The following ZNF737 variants were observed in gnomAD, a reference collection of about 807,000 sequenced individuals.
ZNF737 encodes the protein zinc finger protein 737.
Under a neutral mutation model 11.7 loss-of-function variants are expected in ZNF737, and 13 were observed. That is an observed-to-expected ratio of 1.11 (90% CI 0.73 to 1.77). The LOEUF (loss-of-function observed/expected upper bound fraction) is 1.77, where lower values mean the gene tolerates loss of function less well. Among genes scored for constraint, ZNF737 ranks in the 40% most tolerant of loss-of-function variants. ZNF737 has a pLI of 0.00. For synonymous variants in ZNF737, 217 were observed against 216.2 expected (o/e 1.00, Z -0.03); for missense variants, 636 against 638.0 (o/e 1.00, Z 0.03).
At chr19:20,548,983 A>AAAAAAAAAAAAG (rs1568429990) in intron 3 of ZNF737, among the ~76,000 whole-genome samples, 1 of 137,644 alleles carries the variant, frequency 7.3e-6, no homozygotes, top group African/African-American at 2.7e-5. Context: ...AAAAAAAACA[A>AAAAAAAAAAAAG]TTATGTATCT....
At chr19:20,535,187 A>G (rs1967927725), downstream of ZNF737, among the ~76,000 whole-genome samples, 1 of 152,126 alleles carries the variant, frequency 6.6e-6, no homozygotes. Context: ...CTTAGGCATG[A>G]GAATCACTTG....
At chr19:20,563,366 T>G (rs1468763741) in intron 1 of ZNF737, among the ~76,000 whole-genome samples, 3 of 150,798 alleles carry the variant, frequency 2.0e-5, no homozygotes. Flanking sequence ...TAGCTTGGAG[T>G]CACTAGGTTC....
chr19:20,554,690 A>G (rs7255352), intron 1 of ZNF737, among the ~76,000 whole-genome samples: 40,257 of 152,004 alleles, frequency 0.26, 5,926 homozygotes, highest in East Asian at 0.44. Context: ...TTCAATCATA[A>G]AGAACCATCA....
intron 3 of ZNF737, among the ~76,000 whole-genome samples, chr19:20,547,208 C>A (rs1457355030): frequency 6.6e-6 from 1 of 151,674 alleles, no homozygotes; most frequent in African/African-American, 2.4e-5. Flanking sequence ...AGTGAAACCC[C>A]ATCTCTACTA....
In ZNF737 at chr19:20,542,059, A is replaced by G; in HGVS notation, c.*2533T>C. 8 of 985,224 alleles carry G rather than the reference A, an allele frequency of 8.1e-6. No individual in the cohort carries two copies. The highest frequency in any genetic ancestry group is 9.6e-6 in the Non-Finnish European group (8 of 829,768). The allele number at this position is 985,224 out of a possible 1,614,324, so 61.0% of individuals were successfully genotyped here. A position where few individuals can be genotyped will look rare whatever the true frequency, so the allele number is the denominator to read the frequency against. ...TTGCAGTTTAAAGCCACTGACAGTGATTACTAAAGATGTTATTTTACAATG... is the reference window on the plus strand; with the variant it reads ...TTGCAGTTTAAAGCCACTGACAGTGGTTACTAAAGATGTTATTTTACAATG... On this transcript the variant is annotated 3_prime_UTR_variant, in exon 4 of 4. Coordinates refer to ENST00000427401, the MANE Select transcript of ZNF737 (RefSeq NM_001159293.2).
intron 1 of ZNF737, among the ~76,000 whole-genome samples, chr19:20,559,692 C>T (rs1969012808): frequency 6.6e-6 from 1 of 152,150 alleles, no homozygotes; most frequent in East Asian, 1.9e-4. Flanking sequence ...GGCGGTTCCT[C>T]ACAGAACTAA....
chr19:20,533,968 AGCTAACTG>A (rs1967891387), downstream of ZNF737, among the ~76,000 whole-genome samples: 1 of 150,086 alleles, frequency 6.7e-6, no homozygotes, highest in Admixed American at 6.6e-5. Flanking sequence ...TCATCAGTTG[AGCTAACTG>A]GCTGATTGGT....
At chr19:20,558,372 T>G (rs1430704481) in intron 1 of ZNF737, among the ~76,000 whole-genome samples, 2 of 152,092 alleles carry the variant, frequency 1.3e-5, no homozygotes, top group African/African-American at 4.8e-5. Flanking sequence ...ATAAAGAAAG[T>G]GGCCTAAATA....
At position 20,553,772 on chromosome 19, in the gene ZNF737, T is replaced by C. The variant is rs1968784023; in HGVS notation, c.67A>G (p.Thr23Ala). 4 of 1,613,924 alleles carry C rather than the reference T, an allele frequency of 2.5e-6. No individual in the cohort carries two copies. Among genetic ancestry groups the C allele is most frequent in the Non-Finnish European group, 3.4e-6 (4 of 1,179,976 alleles). Residue 23 changes from threonine to alanine, a missense_variant, in exon 2 of 4, where the codon ACT becomes GCT. Transcript: ENST00000427401. ...TTCCTATATAAATTCCGCTGTGCAG[T>C]GTCCAGGCAATGCCACTCCTCCAGA... ...FSLEEWHCLD[T>A]AQRNLYRNVM...
intron 1 of ZNF737, among the ~76,000 whole-genome samples, chr19:20,557,830 T>G (rs1968946241): frequency 6.6e-6 from 1 of 152,108 alleles, no homozygotes; most frequent in Admixed American, 6.5e-5. Flanking sequence ...TTAGCCAGGC[T>G]GGTCCCAAAC....
In ZNF737 at chr19:20,541,280, A is replaced by T; in HGVS notation, c.*3312T>A. 1.0e-6 allele frequency: 1 copy of T among 984,862 alleles called. No individual in the cohort carries two copies. The highest frequency in any genetic ancestry group is 1.2e-6 in the Non-Finnish European group (1 of 829,410). The allele number at this position is 984,862 out of a possible 1,614,324, so 61.0% of individuals were successfully genotyped here. On this transcript the variant is annotated 3_prime_UTR_variant, in exon 4 of 4. Transcript: ENST00000427401. ...ATACTCACACAAAAACACTCAATTCATAATTTTCTTACACCTCAGGTTTAT... is the reference window on the plus strand; with the variant it reads ...ATACTCACACAAAAACACTCAATTCTTAATTTTCTTACACCTCAGGTTTAT...
the ZNF737 span, among the ~76,000 whole-genome samples, chr19:20,530,489 G>C: frequency 2.6e-4 from 39 of 148,442 alleles, no homozygotes; most frequent in South Asian, 8.0e-3. Context: ...CAGCCGGGTG[G>C]AGGGGCTCCT....
chr19:20,554,630 C>A (rs1371643615), intron 1 of ZNF737, among the ~76,000 whole-genome samples: 1 of 152,136 alleles, frequency 6.6e-6, no homozygotes, highest in African/African-American at 2.4e-5. Context: ...TAGAAGAACA[C>A]AGCATCACTG....
intron 3 of ZNF737, among the ~76,000 whole-genome samples, chr19:20,549,048 T>C (rs1336816993): frequency 2.0e-5 from 3 of 148,672 alleles, no homozygotes; most frequent in Middle Eastern, 3.2e-3. Context: ...CAAATATATA[T>C]TCATTGTTAA....
At chr19:20,530,852 T>G (rs1273327154), downstream of ZNF737, among the ~76,000 whole-genome samples, 2 of 148,002 alleles carry the variant, frequency 1.4e-5, no homozygotes, top group African/African-American at 5.0e-5. Context: ...CTGCAATCTC[T>G]GCACTTTGGG....
rs562087379 is a variant in ZNF737 at position 20,547,851 on chromosome 19, T to C, written c.227-1875A>G. 2.7e-3 allele frequency among the ~76,000 whole-genome samples: 407 copies of C among 152,270 alleles called. 2 individuals carry two copies. Among genetic ancestry groups the C allele is most frequent in the African/African-American group, 9.4e-3 (391 of 41,554 alleles). ...AATGTTCCTCATTTATAAATCTCTA[T>C]CCAAAATATGTAACACAGGCCAGGT... On this transcript the variant is annotated intron_variant, in intron 3 of 3. Coordinates refer to ENST00000427401, the MANE Select transcript of ZNF737 (RefSeq NM_001159293.2).
rs376982692 is a variant in ZNF737 at position 20,544,427 on chromosome 19, T to C, written c.*165A>G. On this transcript the variant is annotated 3_prime_UTR_variant, in exon 4 of 4. Coordinates refer to ENST00000427401, the MANE Select transcript of ZNF737 (RefSeq NM_001159293.2). ...AGGCTTTGCTGCATTTTCTTATTTGTTGGGTTTCTTTCCCGCATGAATTAT... is the reference window on the plus strand; with the variant it reads ...AGGCTTTGCTGCATTTTCTTATTTGCTGGGTTTCTTTCCCGCATGAATTAT... 5.4e-5 allele frequency: 78 copies of C among 1,453,588 alleles called. 1 individual carries two copies. The East Asian group carries it at 1.4e-3, about 26-fold the overall frequency. The allele number at this position is 1,453,588 out of a possible 1,614,324, so 90.0% of individuals were successfully genotyped here. A position where few individuals can be genotyped will look rare whatever the true frequency, so the allele number is the denominator to read the frequency against.
Position 20,541,433 on chromosome 19 carries a change from A to C in ZNF737, c.*3159T>G. Reference sequence around the variant, plus strand: ...TATTTATAATTTTTCAGGACTCAGAAATGTATGGATTTTATTTTTATTTTA... The same window carrying C: ...TATTTATAATTTTTCAGGACTCAGACATGTATGGATTTTATTTTTATTTTA... On this transcript the variant is annotated 3_prime_UTR_variant, in exon 4 of 4. Transcript: ENST00000427401. The C allele has an allele frequency of 1.0e-6, 1 of 973,260 alleles. No individual in the cohort carries two copies. Among genetic ancestry groups the C allele is most frequent in the Non-Finnish European group, 1.2e-6 (1 of 818,924 alleles). 60.3% of individuals were successfully genotyped at this position (973,260 alleles called of 1,614,324 possible).
At position 20,543,272 on chromosome 19, in the gene ZNF737, G is replaced by A; in HGVS notation, c.*1320C>T. The A allele has an allele frequency of 1.0e-6, 1 of 985,312 alleles. No individual in the cohort carries two copies. The highest frequency in any genetic ancestry group is 1.2e-6 in the Non-Finnish European group (1 of 829,896). The allele number at this position is 985,312 out of a possible 1,614,324, so 61.0% of individuals were successfully genotyped here. On this transcript the variant is annotated 3_prime_UTR_variant, in exon 4 of 4. Coordinates refer to ENST00000427401, the MANE Select transcript of ZNF737 (RefSeq NM_001159293.2). ...TCTCCAATATAAATTCCCTGATGTT[G>A]AACAAACTTGAGCAACTGCTTTAGG...
Sources: allele counts gnomAD v4.1 joint callset (sites outside exome capture counted in the v4.1 genomes callset), GRCh38; gene constraint gnomAD v4.1.1; transcripts MANE v1.5; gene names NCBI Gene and HGNC (gene_info 2026-07-23, HGNC 2026-07-21).